The following B3GALT1 variants were observed in gnomAD, a reference collection of about 807,000 sequenced individuals.
The protein encoded by B3GALT1 is beta-1,3-galactosyltransferase 1, also known as UDP-Gal:betaGlcNAc beta 1,3-galactosyltransferase, polypeptide 1.
B3GALT1 carries 10 observed loss-of-function variants against 23.2 expected under a neutral mutation model. The observed-to-expected ratio is 0.43, with a 90% CI of 0.27 to 0.73. The LOEUF (loss-of-function observed/expected upper bound fraction) is 0.73, where lower values mean the gene tolerates loss of function less well. Among genes scored for constraint, B3GALT1 ranks in the 30% least tolerant of loss-of-function variants. The pLI, the probability that B3GALT1 is intolerant of heterozygous loss-of-function variation, is 0.21. For synonymous variants in B3GALT1, 156 were observed against 141.5 expected, an observed-to-expected ratio of 1.10 and a Z score of -0.73; for missense variants, 299 against 405.4, an observed-to-expected ratio of 0.74 and a Z score of 2.25.
intron 2 of B3GALT1, among the ~76,000 whole-genome samples, chr2:167,539,432 CT>C (rs1185182678): frequency 2.0e-5 from 3 of 152,134 alleles, no homozygotes; most frequent in Non-Finnish European, 4.4e-5. Flanking sequence ...AACAATTATT[CT>C]TTATCTCAAA....
At chr2:167,591,806 A>T (rs560919494) in intron 2 of B3GALT1, among the ~76,000 whole-genome samples, 5 of 151,952 alleles carry the variant, frequency 3.3e-5, no homozygotes, top group Non-Finnish European at 5.9e-5. Context: ...TGTTGTTATT[A>T]TAGCAGTTGT....
At chr2:167,313,389 C>G (rs890331075) in intron 1 of B3GALT1, among the ~76,000 whole-genome samples, 1 of 152,124 alleles carries the variant, frequency 6.6e-6, no homozygotes, top group African/African-American at 2.4e-5. Flanking sequence ...GTATTCTTGA[C>G]TATGACCAAT....
chr2:167,726,048 T>C (rs569586662), intron 3 of B3GALT1, among the ~76,000 whole-genome samples: 1 of 152,334 alleles, frequency 6.6e-6, no homozygotes, highest in African/African-American at 2.4e-5. Context: ...GACAGAGATA[T>C]GTTGGTTTCT....
intron 2 of B3GALT1, among the ~76,000 whole-genome samples, chr2:167,611,367 A>AAACT (rs1685063448): frequency 2.0e-5 from 3 of 151,984 alleles, no homozygotes. Flanking sequence ...AAAATATAGC[A>AAACT]AACTGCCCTT....
intron 1 of B3GALT1, among the ~76,000 whole-genome samples, chr2:167,464,183 T>A (rs1271327222): frequency 2.0e-5 from 3 of 151,796 alleles, no homozygotes; most frequent in Non-Finnish European, 4.4e-5. Context: ...TAAAAAAGGA[T>A]CTATTTTCAC....
At chr2:167,577,064 A>G (rs577750589) in intron 2 of B3GALT1, among the ~76,000 whole-genome samples, 35 of 151,692 alleles carry the variant, frequency 2.3e-4, no homozygotes, top group African/African-American at 8.2e-4. Flanking sequence ...TCCTCTCCCC[A>G]TACACTAAGC....
chr2:167,795,946 T>C (rs1025017265), intron 3 of B3GALT1, among the ~76,000 whole-genome samples: 1 of 152,226 alleles, frequency 6.6e-6, no homozygotes, highest in African/African-American at 2.4e-5. Flanking sequence ...ATCATCTGGT[T>C]TCTCCTGGAA....
At chr2:167,429,877 C>T (rs1343706544) in intron 1 of B3GALT1, among the ~76,000 whole-genome samples, 4 of 152,188 alleles carry the variant, frequency 2.6e-5, no homozygotes, top group East Asian at 1.9e-4. Flanking sequence ...TTATTCTTCA[C>T]GATCATTTAT....
chr2:167,714,831 C>G (rs936625995), intron 3 of B3GALT1: 1 of 1,611,090 alleles, frequency 6.2e-7, no homozygotes, highest in African/African-American at 1.3e-5. Flanking sequence ...GAAAGCTTCT[C>G]TTATTCCTCT....
chr2:167,668,062 T>C (rs1340602882), intron 3 of B3GALT1, among the ~76,000 whole-genome samples: 1 of 152,222 alleles, frequency 6.6e-6, no homozygotes, highest in East Asian at 1.9e-4. Flanking sequence ...CTCTGTTTTT[T>C]CCCCATCTTT....
chr2:167,540,822 G>A (rs1683522705), intron 2 of B3GALT1, among the ~76,000 whole-genome samples: 1 of 152,116 alleles, frequency 6.6e-6, no homozygotes, highest in South Asian at 2.1e-4. Flanking sequence ...ACAGAAGGTA[G>A]GGATGTTGGA....
intron 3 of B3GALT1, among the ~76,000 whole-genome samples, chr2:167,779,644 T>G (rs1688215970): frequency 6.6e-6 from 1 of 152,218 alleles, no homozygotes. Context: ...ATTAGTGTCT[T>G]GCACTAATTT....
chr2:167,722,693 G>T (rs1039313587), intron 3 of B3GALT1, among the ~76,000 whole-genome samples: 1 of 152,158 alleles, frequency 6.6e-6, no homozygotes, highest in Admixed American at 6.5e-5. Flanking sequence ...TCTTTGATAA[G>T]AGCTTTATTC....
chr2:167,852,476 G>GTGTA (rs1290723984), intron 4 of B3GALT1, among the ~76,000 whole-genome samples: 17 of 150,358 alleles, frequency 1.1e-4, no homozygotes, highest in Admixed American at 1.1e-3. Context: ...TGGTGTGTGT[G>GTGTA]TGTGTGTGTG....
At chr2:167,594,678 C>T (rs929275191) in intron 2 of B3GALT1, among the ~76,000 whole-genome samples, 2 of 152,064 alleles carry the variant, frequency 1.3e-5, no homozygotes, top group Non-Finnish European at 2.9e-5. Context: ...TTTGGGAGGA[C>T]GAGGCGGGCA....
intron 1 of B3GALT1, among the ~76,000 whole-genome samples, chr2:167,446,855 C>G (rs931780256): frequency 3.3e-5 from 5 of 151,808 alleles, no homozygotes; most frequent in East Asian, 3.9e-4. Context: ...GCCTTCTTCT[C>G]TCAAATCGTC....
At chr2:167,533,487 G>C (rs994288894) in intron 2 of B3GALT1, among the ~76,000 whole-genome samples, 13 of 151,970 alleles carry the variant, frequency 8.6e-5, no homozygotes, top group African/African-American at 3.1e-4. Flanking sequence ...ATTCAACCTT[G>C]CATTACAGTG....
chr2:167,483,111 T>C (rs1699582984), intron 1 of B3GALT1, among the ~76,000 whole-genome samples: 2 of 151,884 alleles, frequency 1.3e-5, no homozygotes, highest in Admixed American at 1.3e-4. Context: ...CTGACCAACA[T>C]GGAGAAACCC....
chr2:167,388,386 G>A (rs570621827), intron 1 of B3GALT1, among the ~76,000 whole-genome samples: 2 of 152,234 alleles, frequency 1.3e-5, no homozygotes, highest in East Asian at 1.9e-4. Context: ...GTTCCAAAGC[G>A]TCGGAAGGAG....
Sources: allele counts gnomAD v4.1 joint callset (sites outside exome capture counted in the v4.1 genomes callset), GRCh38; gene constraint gnomAD v4.1.1; transcripts MANE v1.5; gene names NCBI Gene and HGNC (gene_info 2026-07-23, HGNC 2026-07-21).